TRIM37: variants seen among roughly 807,000 people sequenced by gnomAD.
TRIM37 encodes E3 ubiquitin-protein ligase TRIM37.
Under a neutral mutation model 129.8 loss-of-function variants are expected in TRIM37, and 80 were observed. The ratio of observed to expected loss-of-function variants is 0.62; its 90% CI spans 0.51 to 0.74. The LOEUF is 0.74. TRIM37 is among the 30% of genes least tolerant of loss of function. The probability of loss-of-function intolerance (pLI) is 0.00; values close to 1 mark genes in which losing one functional copy is unlikely to be tolerated. For synonymous variants in TRIM37, 389 were observed against 387.1 expected (o/e 1.00, Z -0.06); for missense variants, 1,054 against 1,176.5 (o/e 0.90, Z 1.52).
intron 4 of TRIM37, among the ~76,000 whole-genome samples, chr17:59,086,190 A>G (rs893990663): frequency 6.6e-6 from 1 of 152,162 alleles, no homozygotes; most frequent in Non-Finnish European, 1.5e-5. Context: ...TACCATAATT[A>G]AAATGTTTTA....
intron 6 of TRIM37, 133 bp downstream of exon 6, chr17:59,080,964 A>T: frequency 2.5e-6 from 1 of 400,482 alleles, no homozygotes; most frequent in Non-Finnish European, 3.7e-6. Context: ...GAATTTGACT[A>T]TAGGTACAGC....
chr17:58,980,021 T>G (rs1385921888), downstream of TRIM37: 2 of 1,614,098 alleles, frequency 1.2e-6, no homozygotes, highest in South Asian at 2.2e-5. The surrounding 1 kb of genome is among the most constrained non-coding windows in gnomAD (Gnocchi z 4.7). Flanking sequence ...AGATTCTGCC[T>G]CCACTGTTCT....
At chr17:59,046,180 C>G (rs944532983) in intron 16 of TRIM37, among the ~76,000 whole-genome samples, 4 of 152,074 alleles carry the variant, frequency 2.6e-5, no homozygotes, top group Admixed American at 6.6e-5. Context: ...AGGCAACACT[C>G]ATCAAAGGGT....
Position 59,057,461 on chromosome 17 carries a change from GCCTC to G in TRIM37, c.1020-411_1020-408del, listed in dbSNP as rs375727876. 6.5e-4 allele frequency among the ~76,000 whole-genome samples: 99 copies of G among 152,234 alleles called. No homozygotes were observed. The East Asian group carries it at 0.016, about 24-fold the overall frequency. ...GACCTCAGGTGATCCACCCACCTTG[GCCTC>G]CCAGTGTGCTGGGATTGCAGGCGTG... On this transcript the variant is annotated intron_variant, in intron 12 of 23. Coordinates refer to ENST00000262294, the MANE Select transcript of TRIM37 (RefSeq NM_015294.6).
At chr17:59,067,211 G>A (rs1328328799) in intron 9 of TRIM37, among the ~76,000 whole-genome samples, 1 of 152,116 alleles carries the variant, frequency 6.6e-6, no homozygotes, top group East Asian at 1.9e-4. Context: ...CATTCATTTA[G>A]AGATTATCTT....
chr17:59,103,751 C>T (rs776731806), intron 2 of TRIM37, among the ~76,000 whole-genome samples: 5 of 150,536 alleles, frequency 3.3e-5, no homozygotes, highest in Admixed American at 1.3e-4. Context: ...CGGGTTCAAA[C>T]AATTCTCCTG....
intron 2 of TRIM37, among the ~76,000 whole-genome samples, chr17:59,097,050 C>T (rs1347301097): frequency 6.6e-6 from 1 of 152,166 alleles, no homozygotes; most frequent in Non-Finnish European, 1.5e-5. Context: ...GCAGAAAAGG[C>T]ATCTGACAAA....
intron 18 of TRIM37, among the ~76,000 whole-genome samples, chr17:59,029,144 C>G (rs1041370448): frequency 4.6e-5 from 7 of 152,146 alleles, no homozygotes; most frequent in African/African-American, 1.7e-4. Flanking sequence ...ATACATATTT[C>G]TGGCCAGGTG....
chr17:58,999,964 G>C (rs2033473280), intron 23 of TRIM37, among the ~76,000 whole-genome samples: 1 of 152,136 alleles, frequency 6.6e-6, no homozygotes, highest in South Asian at 2.1e-4. Context: ...CAAATGCTTG[G>C]TTCTGTATTG....
chr17:59,060,378 T>C (rs1340170299), intron 12 of TRIM37, among the ~76,000 whole-genome samples: 1 of 151,756 alleles, frequency 6.6e-6, no homozygotes, highest in Admixed American at 6.6e-5. Flanking sequence ...ATCTCATCCC[T>C]CTTGCTTCAT....
exon 25 of TRIM37, chr17:58,982,796 A>G (rs372824828): frequency 1.4e-4 from 124 of 917,646 alleles, no homozygotes; most frequent in Middle Eastern, 1.1e-3. Flanking sequence ...CCCCAACTAT[A>G]GTGCCGGAAC....
chr17:58,982,757 G>T, exon 25 of TRIM37: 1 of 576,606 alleles, frequency 1.7e-6, no homozygotes, highest in South Asian at 2.9e-5. Context: ...TCACGTCTGT[G>T]ACAAATGGTT....
rs1290320666 is a variant in TRIM37 at position 58,998,619 on chromosome 17, T to C, written c.*758A>G. 1.0e-6 allele frequency: 1 copy of C among 985,298 alleles called. No individual in the cohort carries two copies. The highest frequency in any genetic ancestry group is 1.7e-5 in the African/African-American group (1 of 57,250). The allele number at this position is 985,298 out of a possible 1,614,324, so 61.0% of individuals were successfully genotyped here. On this transcript the variant is annotated 3_prime_UTR_variant, in exon 24 of 24. Coordinates refer to ENST00000262294, the MANE Select transcript of TRIM37 (RefSeq NM_015294.6). The stretch of plus-strand genomic sequence containing the variant: ...TAAAGAAGAAAAGGGGGCTTTAAAA[T>C]ATTTGTTGCACTACAGTCGTATAGT...
chr17:59,033,013 G>C (rs1253778760), intron 17 of TRIM37, among the ~76,000 whole-genome samples: 3 of 152,224 alleles, frequency 2.0e-5, no homozygotes, highest in African/African-American at 4.8e-5. Flanking sequence ...GCCAAGAAAA[G>C]CATCTGACTT....
Position 59,084,074 on chromosome 17 carries a change from A to C in TRIM37, c.297T>G (p.His99Gln). 6.2e-7 allele frequency: 1 copy of C among 1,613,038 alleles called. No homozygotes were observed. ...TCCAGCAAAATACACTAAGTTTTTC[A>C]TGGTGATTTTCACATCTATACATTA... ...ENEKDKCENH[H>Q]EKLSVFCWTC... Residue 99 changes from histidine to glutamine, a missense_variant, in exon 5 of 24, where the codon CAT becomes CAG. His to Gln is a conservative substitution (Grantham distance 24). This residue lies in a region of TRIM37 where 752 missense variants were observed against 870.8 expected (regional missense o/e 0.86). Transcript: ENST00000262294.
intron 4 of TRIM37, among the ~76,000 whole-genome samples, chr17:59,087,395 G>A (rs758602236): frequency 5.9e-5 from 9 of 151,346 alleles, no homozygotes; most frequent in Non-Finnish European, 1.0e-4. Context: ...ACACCCGCCC[G>A]AATAGTAGGT....
At position 59,036,593 on chromosome 17, in the gene TRIM37, C is replaced by T. The variant is rs145902985; in HGVS notation, c.1754-4503G>A. ...GAACTCCTAGGCTCAAGTGATCCTA[C>T]GGCCACAGTCTCCCAAGTAGCCAGG... On this transcript the variant is annotated intron_variant, in intron 17 of 23. Coordinates refer to ENST00000262294, the MANE Select transcript of TRIM37 (RefSeq NM_015294.6). Among the ~76,000 whole-genome samples the T allele has an allele frequency of 4.2e-3, 632 of 151,974 alleles. 3 individuals are homozygous for T. Among genetic ancestry groups the T allele is most frequent in the African/African-American group, 0.014 (593 of 41,428 alleles).
chr17:58,993,248 T>C (rs184191248), downstream of TRIM37, among the ~76,000 whole-genome samples: 662 of 152,286 alleles, frequency 4.3e-3, 4 homozygotes, highest in Non-Finnish European at 6.9e-3. Flanking sequence ...ACCTCTTTCT[T>C]TTGTAAAATG....
intron 10 of TRIM37, among the ~76,000 whole-genome samples, chr17:59,063,707 C>T (rs1366200373): frequency 2.0e-5 from 3 of 152,204 alleles, no homozygotes; most frequent in African/African-American, 4.8e-5. Flanking sequence ...CCCTTATCCA[C>T]AATTCTTCAC....
Sources: allele counts gnomAD v4.1 joint callset (sites outside exome capture counted in the v4.1 genomes callset), GRCh38; gene constraint gnomAD v4.1.1; regional missense constraint gnomAD v4.1.1; non-coding constraint Gnocchi (gnomAD v3.1); transcripts MANE v1.5; gene names NCBI Gene and HGNC (gene_info 2026-07-23, HGNC 2026-07-21).